The following TMTC2 variants were observed in gnomAD, a reference collection of about 807,000 sequenced individuals.
TMTC2 encodes protein O-mannosyl-transferase TMTC2.
TMTC2 carries 43 observed loss-of-function variants against 82.4 expected under a neutral mutation model. That is an observed-to-expected ratio of 0.52 (90% CI 0.41 to 0.67). The LOEUF is 0.67. TMTC2 is among the 30% of genes least tolerant of loss of function. The pLI is 0.00. For missense variants in TMTC2, 919 were observed against 1,012.4 expected, an observed-to-expected ratio of 0.91 and a Z score of 1.25; for synonymous variants, 408 against 381.9, an observed-to-expected ratio of 1.07 and a Z score of -0.80.
At chr12:83,003,725 G>A (rs945154145) in intron 8 of TMTC2, among the ~76,000 whole-genome samples, 3 of 152,058 alleles carry the variant, frequency 2.0e-5, no homozygotes, top group Non-Finnish European at 2.9e-5. Context: ...TTTCTTTAAG[G>A]ATGCTGAAAA....
At chr12:83,046,141 T>C (rs1367394858) in intron 9 of TMTC2, among the ~76,000 whole-genome samples, 1 of 152,138 alleles carries the variant, frequency 6.6e-6, no homozygotes, top group African/African-American at 2.4e-5. Context: ...GTCGAATTCA[T>C]TCTTCTCAGG....
At chr12:83,077,953 A>G (rs1343431437) in intron 11 of TMTC2, among the ~76,000 whole-genome samples, 3 of 132,408 alleles carry the variant, frequency 2.3e-5, no homozygotes, top group African/African-American at 8.8e-5. Flanking sequence ...AGGAAAATAT[A>G]TTTTTCCTCC....
At chr12:82,998,891 AATTTTTAATAAAT>A (rs1879791139) in intron 8 of TMTC2, among the ~76,000 whole-genome samples, 1 of 152,212 alleles carries the variant, frequency 6.6e-6, no homozygotes, top group South Asian at 2.1e-4. Context: ...TAATGCAATT[AATTTTTAATAAAT>A]ATTTATTTTA....
chr12:82,997,306 C>CTG (rs376402752), intron 8 of TMTC2, among the ~76,000 whole-genome samples: 1 of 69,538 alleles, frequency 1.4e-5, no homozygotes, highest in African/African-American at 4.9e-5. Flanking sequence ...TTTGCCTGGA[C>CTG]TGTGTGTGTG....
intron 7 of TMTC2, among the ~76,000 whole-genome samples, chr12:82,979,485 C>T (rs1184556711): frequency 2.0e-5 from 3 of 151,558 alleles, no homozygotes; most frequent in Non-Finnish European, 3.0e-5. Context: ...TTAAATTTCA[C>T]CCTCCTGCTT....
chr12:83,056,727 A>G (rs1882558386), intron 10 of TMTC2, among the ~76,000 whole-genome samples: 2 of 151,886 alleles, frequency 1.3e-5, no homozygotes. Context: ...GGATTTTTCA[A>G]TTATAAGTTA....
At chr12:82,689,796 G>A (rs371024773) in intron 1 of TMTC2, among the ~76,000 whole-genome samples, 1 of 152,078 alleles carries the variant, frequency 6.6e-6, no homozygotes, top group South Asian at 2.1e-4. Flanking sequence ...AGCTACATAG[G>A]TGAATATAGT....
chr12:82,990,562 T>A (rs2137347207), intron 8 of TMTC2, among the ~76,000 whole-genome samples: 1 of 152,298 alleles, frequency 6.6e-6, no homozygotes, highest in Non-Finnish European at 1.5e-5. Flanking sequence ...GTTCCTTTTT[T>A]GTTTTTTCTC....
At chr12:82,872,578 G>A (rs1218267477) in intron 2 of TMTC2, among the ~76,000 whole-genome samples, 1 of 152,146 alleles carries the variant, frequency 6.6e-6, no homozygotes, top group Admixed American at 6.5e-5. Context: ...GGGAAATAAT[G>A]AGTCTGCATT....
At chr12:82,892,992 G>A (rs114240845) in intron 2 of TMTC2, among the ~76,000 whole-genome samples, 2,495 of 152,134 alleles carry the variant, frequency 0.016, 74 homozygotes, top group African/African-American at 0.057. Context: ...TTATTGCTGG[G>A]TAGAATTTCA....
chr12:82,876,066 G>GTGGTGATGA (rs1379806817), intron 2 of TMTC2, among the ~76,000 whole-genome samples: 1 of 101,098 alleles, frequency 9.9e-6, no homozygotes, highest in Non-Finnish European at 2.0e-5. Context: ...GGTGGTGGTG[G>GTGGTGATGA]TGATGATGAT....
chr12:82,761,544 T>C (rs1179247178), intron 1 of TMTC2, among the ~76,000 whole-genome samples: 1 of 152,194 alleles, frequency 6.6e-6, no homozygotes, highest in East Asian at 1.9e-4. Context: ...TTACCATCTA[T>C]AGGGGTGCAC....
chr12:83,082,472 T>G (rs1883503965), intron 11 of TMTC2, among the ~76,000 whole-genome samples: 1 of 152,218 alleles, frequency 6.6e-6, no homozygotes, highest in South Asian at 2.1e-4. Flanking sequence ...GAACTAAATG[T>G]TTTGATAAAG....
intron 4 of TMTC2, among the ~76,000 whole-genome samples, chr12:82,950,874 A>G (rs1447838551): frequency 6.6e-6 from 1 of 152,262 alleles, no homozygotes; most frequent in Non-Finnish European, 1.5e-5. Context: ...TTGGCAATCC[A>G]TCTGAAATAA....
intron 11 of TMTC2, among the ~76,000 whole-genome samples, chr12:83,091,984 T>C (rs1400434346): frequency 1.3e-5 from 2 of 152,232 alleles, no homozygotes; most frequent in Admixed American, 1.3e-4. Context: ...TCCCTGTAGT[T>C]AAACACAATT....
intron 3 of TMTC2, among the ~76,000 whole-genome samples, chr12:82,915,862 G>A (rs1440613335): frequency 6.6e-6 from 1 of 152,164 alleles, no homozygotes; most frequent in African/African-American, 2.4e-5. Flanking sequence ...TAAATCAAAA[G>A]GAACTGGTAT....
intron 8 of TMTC2, among the ~76,000 whole-genome samples, chr12:83,024,964 G>A (rs932852695): frequency 6.6e-6 from 1 of 152,200 alleles, no homozygotes; most frequent in Non-Finnish European, 1.5e-5. Flanking sequence ...GGCCACGGCA[G>A]CTGGATCACT....
At chr12:82,816,832 G>T (rs1307912019) in intron 1 of TMTC2, among the ~76,000 whole-genome samples, 1 of 152,060 alleles carries the variant, frequency 6.6e-6, no homozygotes, top group Admixed American at 6.6e-5. Context: ...GATAAAATTT[G>T]TGTAAGCAAA....
intron 8 of TMTC2, among the ~76,000 whole-genome samples, chr12:83,027,763 T>C (rs1177033726): frequency 6.6e-6 from 1 of 152,162 alleles, no homozygotes; most frequent in Non-Finnish European, 1.5e-5. Flanking sequence ...TAGGAAAGCA[T>C]GAGACTCATT....
Sources: gnomAD v4.1 joint callset for allele counts (sites outside exome capture counted in the v4.1 genomes callset) on GRCh38, gnomAD v4.1.1 for gene constraint, MANE v1.5 for transcripts, NCBI Gene and HGNC (gene_info 2026-07-23, HGNC 2026-07-21) for gene names.